HSD17B12: variants seen among roughly 807,000 people sequenced by gnomAD.
HSD17B12 encodes hydroxysteroid 17-beta dehydrogenase 12.
In HSD17B12, 32 loss-of-function variants were observed where a neutral mutation model predicts 39.3. The observed-to-expected ratio is 0.81, with a 90% CI of 0.61 to 1.09. HSD17B12 has a LOEUF of 1.09. Ranked by LOEUF, HSD17B12 falls within the 50% of genes least tolerant of loss-of-function variation. The pLI, the probability that HSD17B12 is intolerant of heterozygous loss-of-function variation, is 0.00. For missense variants in HSD17B12, 342 were observed against 382.9 expected (o/e 0.89, Z 0.89); for synonymous variants, 150 against 146.7 (o/e 1.02, Z -0.16).
the HSD17B12 span, among the ~76,000 whole-genome samples, chr11:43,601,709 G>A: frequency 3.3e-5 from 5 of 152,134 alleles, no homozygotes; most frequent in East Asian, 1.9e-4. Context: ...TGATGCTGGC[G>A]TCTCCACTTC....
the HSD17B12 span, among the ~76,000 whole-genome samples, chr11:43,630,927 C>T: frequency 1.3e-5 from 2 of 151,728 alleles, no homozygotes; most frequent in Non-Finnish European, 2.9e-5. Context: ...GCCTCAGCCT[C>T]TGGAGTAGCT....
the HSD17B12 span, among the ~76,000 whole-genome samples, chr11:43,572,988 G>A: frequency 1.3e-5 from 2 of 152,182 alleles, no homozygotes; most frequent in African/African-American, 2.4e-5. Context: ...GACAGTCGAC[G>A]CAGGCAGGAG....
intron 4 of HSD17B12, among the ~76,000 whole-genome samples, chr11:43,810,392 TATATATATATAA>T (rs201150932): frequency 0.1 from 9,648 of 94,266 alleles, 432 homozygotes; most frequent in Middle Eastern, 0.24. Flanking sequence ...TATATATATA[TATATATATATAA>T]AATTCAGAAT....
At chr11:43,598,477 C>T in the HSD17B12 span, among the ~76,000 whole-genome samples, 1 of 152,094 alleles carries the variant, frequency 6.6e-6, no homozygotes, top group Non-Finnish European at 1.5e-5. Flanking sequence ...TCTGTCCACG[C>T]GAGTATGTGC....
At chr11:43,854,184 A>T (rs929750865) in intron 9 of HSD17B12, 1 of 152,362 alleles carries the variant, frequency 6.6e-6, no homozygotes, top group Non-Finnish European at 1.5e-5. Flanking sequence ...TATAAAACTC[A>T]GAAGTAGAAT....
the HSD17B12 span, among the ~76,000 whole-genome samples, chr11:43,596,813 T>C: frequency 2.0e-5 from 3 of 152,204 alleles, no homozygotes; most frequent in Non-Finnish European, 2.9e-5. Context: ...ACTGGGCTGA[T>C]TAGTCTGACT....
At chr11:43,854,080 T>C (rs1366169418) in intron 9 of HSD17B12, 3 of 152,276 alleles carry the variant, frequency 2.0e-5, no homozygotes, top group African/African-American at 7.2e-5. Context: ...GTCAGGTGTC[T>C]TTTAGTTACC....
At chr11:43,842,426 CT>C (rs2135133099) in intron 9 of HSD17B12, among the ~76,000 whole-genome samples, 1 of 152,300 alleles carries the variant, frequency 6.6e-6, no homozygotes, top group South Asian at 2.1e-4. Flanking sequence ...GTCATAGCCA[CT>C]TGGTGTTATT....
chr11:43,598,040 G>A, the HSD17B12 span, among the ~76,000 whole-genome samples: 1 of 152,146 alleles, frequency 6.6e-6, no homozygotes. Flanking sequence ...GACCAGGAGT[G>A]ATCTACTCAG....
At chr11:43,822,203 A>G (rs1951189692) in intron 6 of HSD17B12, among the ~76,000 whole-genome samples, 1 of 152,166 alleles carries the variant, frequency 6.6e-6, no homozygotes, top group African/African-American at 2.4e-5. Context: ...AGTGAAATAT[A>G]TTAACAGCCT....
rs762527349 is a variant in HSD17B12 at position 43,854,697 on chromosome 11, T to G, written c.685-18T>G. On this transcript the variant is annotated intron_variant, in intron 9 of 10. Transcript: ENST00000278353. The stretch of plus-strand genomic sequence containing the variant: ...CTAATCAATGGCATGTTTTCTGGGG[T>G]GGGTGTTCCCTTTCTAGAGTGTCCT... 1.9e-5 allele frequency: 31 copies of G among 1,612,396 alleles called. No homozygotes were observed. In the South Asian group the frequency reaches 3.3e-4, roughly 17 times the overall value.
chr11:43,619,992 G>A, the HSD17B12 span, among the ~76,000 whole-genome samples: 17 of 152,270 alleles, frequency 1.1e-4, no homozygotes, highest in African/African-American at 4.1e-4. Context: ...TGGTTAAAAG[G>A]GAAAACTGCT....
At chr11:43,619,422 T>G in the HSD17B12 span, among the ~76,000 whole-genome samples, 1 of 149,586 alleles carries the variant, frequency 6.7e-6, no homozygotes, top group Non-Finnish European at 1.5e-5. Context: ...GGAGTCTCCT[T>G]CTTGTTGCCC....
At chr11:43,634,348 C>T in the HSD17B12 span, among the ~76,000 whole-genome samples, 10 of 152,038 alleles carry the variant, frequency 6.6e-5, no homozygotes, top group East Asian at 1.9e-4. Flanking sequence ...TACCTCTCAC[C>T]GCTGGAAAAG....
chr11:43,731,691 GAA>G (rs1300044998), intron 1 of HSD17B12, among the ~76,000 whole-genome samples: 1 of 152,198 alleles, frequency 6.6e-6, no homozygotes, highest in Non-Finnish European at 1.5e-5. Context: ...CCAGAATTTG[GAA>G]ACAGATACTT....
chr11:43,723,973 T>A (rs992747727), intron 1 of HSD17B12: 4 of 148,132 alleles, frequency 2.7e-5, no homozygotes, highest in Admixed American at 1.3e-4. Flanking sequence ...TTTTTTTTTT[T>A]AATTTCAATT....
At chr11:43,741,815 C>T (rs1405755692) in intron 1 of HSD17B12, among the ~76,000 whole-genome samples, 1 of 148,078 alleles carries the variant, frequency 6.8e-6, no homozygotes, top group Non-Finnish European at 1.5e-5. Context: ...CTCACTGCAA[C>T]CTCCCCCTCT....
At chr11:43,560,993 CTG>C in the HSD17B12 span, among the ~76,000 whole-genome samples, 1 of 152,206 alleles carries the variant, frequency 6.6e-6, no homozygotes, top group Non-Finnish European at 1.5e-5. Flanking sequence ...AAGTCCCACT[CTG>C]TGAAAATCCA....
rs1951062079 is a variant in HSD17B12 at position 43,810,448 on chromosome 11, A to G, written c.392-4989A>G. ...GGATTTTCTGTGTCTTTAAAATGCA[A>G]CACATAATGATATTAGTGTTTTCTG... On this transcript the variant is annotated intron_variant, in intron 4 of 10. Coordinates refer to ENST00000278353, the MANE Select transcript of HSD17B12 (RefSeq NM_016142.3). 2.7e-5 allele frequency among the ~76,000 whole-genome samples: 4 copies of G among 149,662 alleles called. No individual in the cohort carries two copies. In the South Asian group the frequency reaches 8.5e-4, roughly 32 times the overall value.
Sources: allele counts gnomAD v4.1 joint callset (sites outside exome capture counted in the v4.1 genomes callset), GRCh38; gene constraint gnomAD v4.1.1; transcripts MANE v1.5; gene names NCBI Gene and HGNC (gene_info 2026-07-23, HGNC 2026-07-21).